Variants in DOP1A observed in about 807,000 individuals in gnomAD.
DOP1A encodes the protein DOP1 leucine zipper like protein A, also known as protein DOP1A.
In DOP1A, 90 loss-of-function variants were observed where a neutral mutation model predicts 267.6. That is an observed-to-expected ratio of 0.34 (90% confidence interval 0.28 to 0.40). DOP1A has a LOEUF of 0.40. DOP1A is among the 10% of genes least tolerant of loss of function. The probability of loss-of-function intolerance (pLI) is 1.00; values close to 1 mark genes in which losing one functional copy is unlikely to be tolerated. For missense variants in DOP1A, 2,437 were observed against 2,900.4 expected (o/e 0.84, Z 3.67); for synonymous variants, 932 against 999.1 (o/e 0.93, Z 1.27).
chr6:83,073,766 A>C (rs573265320), intron 1 of DOP1A, among the ~76,000 whole-genome samples: 1 of 152,314 alleles, frequency 6.6e-6, no homozygotes, highest in Non-Finnish European at 1.5e-5. Flanking sequence ...GAAGTGGCTC[A>C]CTCATGACTG....
chr6:83,132,989 C>T (rs1265319357), intron 18 of DOP1A, among the ~76,000 whole-genome samples: 2 of 151,852 alleles, frequency 1.3e-5, no homozygotes, highest in Admixed American at 6.6e-5. Context: ...GTAGATTGTC[C>T]TATTTTTAAA....
intron 36 of DOP1A, among the ~76,000 whole-genome samples, chr6:83,159,364 C>T (rs1210158884): frequency 6.6e-6 from 1 of 152,072 alleles, no homozygotes; most frequent in Non-Finnish European, 1.5e-5. Flanking sequence ...GCCTCGACCT[C>T]CCAGGCTCGG....
downstream of DOP1A, chr6:83,171,328 CATA>C (rs1476088498): frequency 6.6e-6 from 1 of 151,816 alleles, no homozygotes; most frequent in Non-Finnish European, 1.5e-5. Flanking sequence ...TTTAATTTTC[CATA>C]ATAAAATCTC....
chr6:83,130,097 C>T, intron 16 of DOP1A, 26 bp from the exon 17 acceptor site: 1 of 1,605,286 alleles, frequency 6.2e-7, no homozygotes, highest in Non-Finnish European at 8.5e-7. Flanking sequence ...ATAATGAACT[C>T]TGATTGCTAC....
At chr6:83,162,472 T>C (rs558915338) in intron 37 of DOP1A, among the ~76,000 whole-genome samples, 29 of 152,310 alleles carry the variant, frequency 1.9e-4, no homozygotes, top group African/African-American at 6.3e-4. Flanking sequence ...AAGAACCTTA[T>C]GCCTGTTCGC....
At chr6:83,156,226 A>AT (rs1191819773) in intron 34 of DOP1A, 123 bp downstream of exon 34, 8 of 718,246 alleles carry the variant, frequency 1.1e-5, no homozygotes, top group Non-Finnish European at 1.7e-5. Context: ...GGAATTAGAA[A>AT]TTTTTCTACT....
chr6:83,142,235 C>T (rs1486300183), intron 24 of DOP1A, among the ~76,000 whole-genome samples, 189 bp downstream of exon 24: 1 of 152,080 alleles, frequency 6.6e-6, no homozygotes, highest in Non-Finnish European at 1.5e-5. Flanking sequence ...CAAGGCTAGG[C>T]ACGGTGGCTC....
intron 1 of DOP1A, among the ~76,000 whole-genome samples, chr6:83,093,018 G>A (rs930661909): frequency 6.6e-6 from 1 of 152,070 alleles, no homozygotes; most frequent in Non-Finnish European, 1.5e-5. Flanking sequence ...GATGGGGTGG[G>A]GAAGAAGTAC....
intron 30 of DOP1A, among the ~76,000 whole-genome samples, chr6:83,153,100 C>G (rs1296034132): frequency 6.6e-6 from 1 of 152,088 alleles, no homozygotes; most frequent in African/African-American, 2.4e-5. Context: ...GGACTAAGGC[C>G]AAATAGCTGT....
In DOP1A at chr6:83,140,216, A is replaced by C. The variant is rs1256808047; in HGVS notation, c.5233-5A>C. ...ATATGTTTCTTTTCCCCCAACTGTTAATAGCTTTTGGTCAGTGTAGACCAG... is the reference window on the plus strand; with the variant it reads ...ATATGTTTCTTTTCCCCCAACTGTTCATAGCTTTTGGTCAGTGTAGACCAG... On this transcript the variant is annotated splice_polypyrimidine_tract_variant and splice_region_variant and intron_variant, in intron 22 of 38. Transcript: ENST00000349129. The C allele has an allele frequency of 6.2e-7, 1 of 1,608,494 alleles. No homozygotes were observed. The highest frequency in any genetic ancestry group is 8.5e-7 in the Non-Finnish European group (1 of 1,177,842).
intron 1 of DOP1A, among the ~76,000 whole-genome samples, chr6:83,090,603 AAGT>A (rs1770177908): frequency 6.6e-6 from 1 of 152,236 alleles, no homozygotes; most frequent in Non-Finnish European, 1.5e-5. Context: ...ACAGAGATAA[AAGT>A]AAACATTTAG....
At chr6:83,137,041 T>C in intron 20 of DOP1A, 132 bp from the exon 21 acceptor site, 1 of 904,206 alleles carries the variant, frequency 1.1e-6, no homozygotes, top group Non-Finnish European at 1.5e-6. Context: ...TAAAATAAAA[T>C]GTAATTTTAG....
intron 4 of DOP1A, among the ~76,000 whole-genome samples, chr6:83,104,405 A>G (rs779924199): frequency 2.6e-5 from 4 of 152,142 alleles, no homozygotes; most frequent in African/African-American, 7.2e-5. Context: ...TCAACCCTTC[A>G]TTTCTGGAAT....
At position 83,140,316 on chromosome 6, in the gene DOP1A, G is replaced by T; in HGVS notation, c.5328G>T (p.Trp1776Cys). 1 of 1,613,460 alleles carries T rather than the reference G, an allele frequency of 6.2e-7. No homozygotes were observed. ...TCATGTCCTCTGTGACACTGCTTTG[G>T]AGCATACTGCATCAAGCTGATTCTT... ...HMIMSSVTLL[W>C]SILHQADSSE... Residue 1776 changes from tryptophan (W) to cysteine (C), a missense_variant, in exon 23 of 39, where the codon TGG (tryptophan) becomes TGT (cysteine). By Grantham distance (215) the Trp-to-Cys change is radical. This residue lies in a region of DOP1A where 307 missense variants were observed against 308.6 expected (regional missense o/e 0.99). Coordinates refer to ENST00000349129, the MANE Select transcript of DOP1A (RefSeq NM_015018.4).
At chr6:83,166,716 A>T in intron 38 of DOP1A, 1 of 1,208,600 alleles carries the variant, frequency 8.3e-7, no homozygotes, top group Admixed American at 4.3e-5. Context: ...TTACTTTAAA[A>T]TAAGCAATAA....
In DOP1A at chr6:83,108,891, G is replaced by C; in HGVS notation, c.321-19G>C. The C allele has an allele frequency of 6.2e-7, 1 of 1,600,578 alleles. No individual in the cohort carries two copies. The highest frequency in any genetic ancestry group is 2.2e-5 in the East Asian group (1 of 44,688). On this transcript the variant is annotated intron_variant, in intron 4 of 38. Coordinates refer to ENST00000349129, the MANE Select transcript of DOP1A (RefSeq NM_015018.4). ...TAGTTATTTTGCTTCCTTCTCCTTT[G>C]TCTTTATTTTTTTAATAGTTCTGGA... is the stretch of plus-strand genomic sequence containing the variant.
chr6:83,078,479 A>T (rs1767516114), intron 1 of DOP1A, among the ~76,000 whole-genome samples: 1 of 152,256 alleles, frequency 6.6e-6, no homozygotes, highest in South Asian at 2.1e-4. Context: ...TAAAATAGGC[A>T]TGAATTAAAG....
At chr6:83,068,775 A>G (rs950559212) in intron 1 of DOP1A, among the ~76,000 whole-genome samples, 1 of 152,260 alleles carries the variant, frequency 6.6e-6, no homozygotes, top group Admixed American at 6.5e-5. Context: ...CACCTGATAG[A>G]TAACACAGTG....
chr6:83,085,778 T>TTTATTTTATG (rs371601253), intron 1 of DOP1A, among the ~76,000 whole-genome samples: 6 of 143,064 alleles, frequency 4.2e-5, no homozygotes, highest in African/African-American at 1.0e-4. Flanking sequence ...TTTGCGGTAT[T>TTTATTTTATG]TTATGTTATG....
Sources: allele counts gnomAD v4.1 joint callset (sites outside exome capture counted in the v4.1 genomes callset), GRCh38; gene constraint gnomAD v4.1.1; regional missense constraint gnomAD v4.1.1; transcripts MANE v1.5; gene names NCBI Gene and HGNC (gene_info 2026-07-23, HGNC 2026-07-21).